Variants in GLB1 observed in about 807,000 individuals in gnomAD.
The protein encoded by GLB1 is galactosidase beta 1.
GLB1 carries 56 observed loss-of-function variants against 74.0 expected under a neutral mutation model. That is an observed-to-expected ratio of 0.76 (90% CI 0.61 to 0.94). GLB1 has a LOEUF of 0.94. Among genes scored for constraint, GLB1 ranks in the 40% least tolerant of loss-of-function variants. GLB1 has a pLI of 0.00. For synonymous variants in GLB1, 323 were observed against 323.6 expected (o/e 1.00, Z 0.02); for missense variants, 787 against 845.5 (o/e 0.93, Z 0.86).
chr3:33,016,597 C>T, intron 14 of GLB1, 112 bp downstream of exon 14: 2 of 1,572,412 alleles, frequency 1.3e-6, no homozygotes, highest in Non-Finnish European at 1.7e-6. Flanking sequence ...AGTGATCCTC[C>T]TGCCTTGGCT....
At chr3:32,971,780 C>T in the GLB1 span, among the ~76,000 whole-genome samples, 1 of 152,182 alleles carries the variant, frequency 6.6e-6, no homozygotes, top group Non-Finnish European at 1.5e-5. Flanking sequence ...AACCCTTTCT[C>T]TTGATTCTCT....
chr3:33,021,671 AG>A lies in GLB1; in HGVS notation c.1144-17del. ...CTGTCTTTAACTGAAAAGAAACAAA[AG>A]CAGCATTCACACACTGCACCCCTCA... is the stretch of plus-strand genomic sequence containing the variant. On this transcript the variant is annotated splice_polypyrimidine_tract_variant and intron_variant, in intron 11 of 15. Coordinates refer to ENST00000307363, the MANE Select transcript of GLB1 (RefSeq NM_000404.4). 6.2e-7 allele frequency: 1 copy of A among 1,611,730 alleles called. No individual in the cohort carries two copies. The highest frequency in any genetic ancestry group is 8.5e-7 in the Non-Finnish European group (1 of 1,178,964).
chr3:33,034,009 C>T, intron 10 of GLB1: 1 of 546,300 alleles, frequency 1.8e-6, no homozygotes, highest in Non-Finnish European at 3.6e-6. Context: ...GGCAGATCCT[C>T]ATTGCCAACC....
the GLB1 span, among the ~76,000 whole-genome samples, chr3:32,991,168 A>C: frequency 6.6e-6 from 1 of 152,144 alleles, no homozygotes; most frequent in Non-Finnish European, 1.5e-5. Context: ...GGGGGTTCAC[A>C]CAGTGGATTT....
At chr3:33,020,592 G>C (rs1433675680) in intron 12 of GLB1, among the ~76,000 whole-genome samples, 2 of 152,198 alleles carry the variant, frequency 1.3e-5, no homozygotes, top group Admixed American at 6.5e-5. Context: ...CATGTCATGA[G>C]AGAGAGACTT....
At chr3:32,998,631 A>C (rs1696420199) in intron 15 of GLB1, among the ~76,000 whole-genome samples, 1 of 152,196 alleles carries the variant, frequency 6.6e-6, no homozygotes, top group African/African-American at 2.4e-5. Context: ...CATACACGCA[A>C]AAGAAAGAGA....
In GLB1 at chr3:33,093,990, C is replaced by T. The variant is rs149671326; in HGVS notation, c.75+3021G>A. 89 of 1,614,044 alleles carry T rather than the reference C, an allele frequency of 5.5e-5. No individual in the cohort carries two copies. Among genetic ancestry groups the T allele is most frequent in the Non-Finnish European group, 7.2e-5 (85 of 1,180,028 alleles). ...TGCAGCTGGGGAGTGGCAGAGGTTG[C>T]TCACTGTGCTGCGCCAAATGTAGAG... is the stretch of plus-strand genomic sequence containing the variant. On this transcript the variant is annotated intron_variant, in intron 1 of 15. Coordinates refer to ENST00000307363, the MANE Select transcript of GLB1 (RefSeq NM_000404.4). The surrounding 1 kb of genome is among the most constrained non-coding windows in gnomAD (Gnocchi z 6.0).
intron 1 of GLB1, chr3:33,091,667 T>C: frequency 5.1e-6 from 5 of 985,216 alleles, no homozygotes; most frequent in Non-Finnish European, 6.0e-6. Context: ...TTAGGGTTGA[T>C]GGAAACCAAG....
chr3:33,023,218 T>C (rs1322054211), intron 11 of GLB1, among the ~76,000 whole-genome samples: 1 of 152,226 alleles, frequency 6.6e-6, no homozygotes, highest in African/African-American at 2.4e-5. Flanking sequence ...TTCTGTTGCA[T>C]AAAAATAGAT....
At chr3:33,034,779 C>A in intron 10 of GLB1, 1 of 640,878 alleles carries the variant, frequency 1.6e-6, no homozygotes. Context: ...GTGTCAGCTT[C>A]AGTCATAGAG....
chr3:33,015,406 A>C (rs566954487), intron 14 of GLB1, among the ~76,000 whole-genome samples: 2 of 152,256 alleles, frequency 1.3e-5, no homozygotes, highest in South Asian at 4.2e-4. Context: ...CAAACCTCAG[A>C]CCTGAATTCA....
chr3:33,090,887 T>C (rs1373476941), intron 1 of GLB1: 3 of 984,824 alleles, frequency 3.0e-6, no homozygotes, highest in South Asian at 4.7e-5. Context: ...CACACAATGA[T>C]GGCATTCAAG....
At chr3:33,022,857 G>C (rs1450914618) in intron 11 of GLB1, among the ~76,000 whole-genome samples, 1 of 152,050 alleles carries the variant, frequency 6.6e-6, no homozygotes, top group Non-Finnish European at 1.5e-5. Context: ...ACCATGCCCA[G>C]CCCAGTTAGG....
At chr3:33,078,722 T>C (rs142105728) in intron 1 of GLB1, among the ~76,000 whole-genome samples, 1 of 152,346 alleles carries the variant, frequency 6.6e-6, no homozygotes, top group Non-Finnish European at 1.5e-5. Flanking sequence ...TGTGATATGA[T>C]ATGTGTAATA....
downstream of GLB1, among the ~76,000 whole-genome samples, chr3:32,995,696 A>G (rs933540458): frequency 2.0e-5 from 3 of 151,900 alleles, no homozygotes; most frequent in African/African-American, 4.8e-5. Context: ...ACAAAACTAC[A>G]GGGCCGGGTG....
rs566728146 is a variant in GLB1 at position 33,057,107 on chromosome 3, T to C, written c.733+982A>G. Among the ~76,000 whole-genome samples the C allele has an allele frequency of 1.4e-3, 211 of 152,346 alleles. 1 individual carries two copies. The highest frequency in any genetic ancestry group is 5.0e-3 in the African/African-American group (208 of 41,580). ...AGTGCTTGTGAATGGGTTAGCACCA[T>C]CCCCTCAGTGCTATTCTCCTGATAG... On this transcript the variant is annotated intron_variant, in intron 6 of 15. Coordinates refer to ENST00000307363, the MANE Select transcript of GLB1 (RefSeq NM_000404.4).
chr3:32,991,579 G>C, the GLB1 span, among the ~76,000 whole-genome samples: 1 of 152,144 alleles, frequency 6.6e-6, no homozygotes, highest in African/African-American at 2.4e-5. Context: ...CTGCATCTAG[G>C]CCTTAAATGG....
At chr3:33,023,086 T>G (rs1312119583) in intron 11 of GLB1, among the ~76,000 whole-genome samples, 1 of 152,250 alleles carries the variant, frequency 6.6e-6, no homozygotes, top group Non-Finnish European at 1.5e-5. Context: ...TGTATATATT[T>G]ATTTAAAAAT....
chr3:33,012,083 T>A (rs954940543), intron 15 of GLB1, among the ~76,000 whole-genome samples: 3 of 152,210 alleles, frequency 2.0e-5, no homozygotes, highest in African/African-American at 7.2e-5. Flanking sequence ...CCCTCAAACA[T>A]CAGCCTTACG....
Sources: allele counts gnomAD v4.1 joint callset (sites outside exome capture counted in the v4.1 genomes callset), GRCh38; gene constraint gnomAD v4.1.1; non-coding constraint Gnocchi (gnomAD v3.1); transcripts MANE v1.5; gene names NCBI Gene and HGNC (gene_info 2026-07-23, HGNC 2026-07-21).